The following GALNTL6 variants were observed in gnomAD, a reference collection of about 807,000 sequenced individuals.
GALNTL6 encodes the protein polypeptide N-acetylgalactosaminyltransferase-like 6.
Under a neutral mutation model 73.7 loss-of-function variants are expected in GALNTL6, and 46 were observed. That is an observed-to-expected ratio of 0.62 (90% CI 0.49 to 0.80). The LOEUF (loss-of-function observed/expected upper bound fraction) is 0.80, where lower values mean the gene tolerates loss of function less well. Among genes scored for constraint, GALNTL6 ranks in the 30% least tolerant of loss-of-function variants. The probability of loss-of-function intolerance (pLI) is 0.00; values close to 1 mark genes in which losing one functional copy is unlikely to be tolerated. For missense variants in GALNTL6, 604 were observed against 755.0 expected, an observed-to-expected ratio of 0.80 and a Z score of 2.34; for synonymous variants, 259 against 263.7, an observed-to-expected ratio of 0.98 and a Z score of 0.17.
intron 5 of GALNTL6, among the ~76,000 whole-genome samples, chr4:172,378,164 T>C (rs1743119278): frequency 6.6e-6 from 1 of 152,206 alleles, no homozygotes; most frequent in Non-Finnish European, 1.5e-5. Flanking sequence ...TGCTATATGA[T>C]ATTCTGATAC....
chr4:172,912,262 G>A (rs1009618425), intron 8 of GALNTL6, among the ~76,000 whole-genome samples: 1 of 152,140 alleles, frequency 6.6e-6, no homozygotes, highest in African/African-American at 2.4e-5. Flanking sequence ...TTCCAAGATG[G>A]CCAAATAGGA....
intron 2 of GALNTL6, among the ~76,000 whole-genome samples, chr4:172,129,231 G>A (rs553099882): frequency 6.6e-6 from 1 of 152,178 alleles, no homozygotes; most frequent in African/African-American, 2.4e-5. Context: ...AAATAAAAAC[G>A]TCAACAGATT....
At chr4:172,127,811 A>G (rs1733344963) in intron 2 of GALNTL6, among the ~76,000 whole-genome samples, 1 of 152,194 alleles carries the variant, frequency 6.6e-6, no homozygotes, top group African/African-American at 2.4e-5. Context: ...CATACATAAA[A>G]GTGTCTAAGG....
chr4:172,253,115 ATTATTT>A (rs1737940274), intron 3 of GALNTL6, among the ~76,000 whole-genome samples: 2 of 152,010 alleles, frequency 1.3e-5, no homozygotes, highest in Admixed American at 6.6e-5. Context: ...AATAATAAGC[ATTATTT>A]TATTTTTTAT....
chr4:172,561,069 A>C (rs200928966), intron 5 of GALNTL6, among the ~76,000 whole-genome samples: 10 of 151,578 alleles, frequency 6.6e-5, no homozygotes, highest in Middle Eastern at 3.4e-3. Context: ...CTGGCTAACA[A>C]GGTGAAACCC....
intron 5 of GALNTL6, among the ~76,000 whole-genome samples, chr4:172,663,692 G>A (rs779828225): frequency 1.3e-5 from 2 of 152,232 alleles, no homozygotes; most frequent in African/African-American, 2.4e-5. Flanking sequence ...ACTTTGGGAG[G>A]CTGAGGCGGG....
chr4:171,973,440 A>G (rs1739628331), intron 2 of GALNTL6, among the ~76,000 whole-genome samples: 1 of 152,144 alleles, frequency 6.6e-6, no homozygotes, highest in South Asian at 2.1e-4. Context: ...AGCTTCTGGT[A>G]GGCCTGGGGG....
intron 5 of GALNTL6, among the ~76,000 whole-genome samples, chr4:172,466,362 A>G (rs1732818656): frequency 1.3e-5 from 2 of 152,328 alleles, no homozygotes; most frequent in South Asian, 4.1e-4. Flanking sequence ...CAGCTACATT[A>G]GAGGTAAAGT....
At chr4:171,944,187 T>A (rs1280922873) in intron 2 of GALNTL6, among the ~76,000 whole-genome samples, 1 of 151,994 alleles carries the variant, frequency 6.6e-6, no homozygotes, top group Non-Finnish European at 1.5e-5. Flanking sequence ...TAATTTTGAT[T>A]TATAGGAAGA....
intron 8 of GALNTL6, among the ~76,000 whole-genome samples, chr4:172,930,004 C>T (rs1037553448): frequency 2.0e-5 from 3 of 152,098 alleles, no homozygotes; most frequent in Non-Finnish European, 4.4e-5. Context: ...GGGCCAGGTG[C>T]GGTGGCTCAC....
chr4:172,396,834 G>T (rs937889831), intron 5 of GALNTL6, among the ~76,000 whole-genome samples: 18 of 152,258 alleles, frequency 1.2e-4, no homozygotes, highest in Non-Finnish European at 2.2e-4. Context: ...ACATTTTATT[G>T]AATGCAATAG....
chr4:172,211,827 G>T (rs1265387779), intron 2 of GALNTL6, among the ~76,000 whole-genome samples: 1 of 152,144 alleles, frequency 6.6e-6, no homozygotes, highest in African/African-American at 2.4e-5. Context: ...GGGCAAGATA[G>T]CTTGCTTAAG....
chr4:172,360,339 G>A (rs556654976), intron 5 of GALNTL6, among the ~76,000 whole-genome samples: 16 of 152,178 alleles, frequency 1.1e-4, no homozygotes, highest in Middle Eastern at 3.4e-3. Context: ...CTGACCTGCA[G>A]TACCATTAAA....
At chr4:172,801,857 G>A (rs1740664716) in intron 5 of GALNTL6, among the ~76,000 whole-genome samples, 1 of 152,076 alleles carries the variant, frequency 6.6e-6, no homozygotes. Flanking sequence ...GAGACAGCAA[G>A]ACCAACTCCT....
chr4:172,902,807 C>T (rs1746695461), intron 8 of GALNTL6, among the ~76,000 whole-genome samples: 1 of 152,170 alleles, frequency 6.6e-6, no homozygotes, highest in Non-Finnish European at 1.5e-5. Context: ...TCATTCAGCC[C>T]TTATCAGTCA....
intron 8 of GALNTL6, among the ~76,000 whole-genome samples, chr4:172,924,849 G>A (rs1747965246): frequency 6.6e-6 from 1 of 152,046 alleles, no homozygotes; most frequent in Admixed American, 6.6e-5. Context: ...GGAATGGTAT[G>A]CTCAGATTTA....
chr4:172,456,665 A>G (rs1039884930), intron 5 of GALNTL6, among the ~76,000 whole-genome samples: 3 of 151,902 alleles, frequency 2.0e-5, no homozygotes, highest in African/African-American at 7.3e-5. Flanking sequence ...AATAATGAAA[A>G]CGAACAAACA....
chr4:172,893,346 G>A (rs529485815), intron 8 of GALNTL6, among the ~76,000 whole-genome samples: 10 of 98,138 alleles, frequency 1.0e-4, no homozygotes, highest in African/African-American at 2.0e-4. Context: ...TGAGAGTGGC[G>A]GGGGGGGGGT....
intron 11 of GALNTL6, 86 bp downstream of exon 11, chr4:173,009,380 G>C: frequency 2.4e-6 from 2 of 831,666 alleles, no homozygotes; most frequent in East Asian, 2.4e-5. Context: ...ACAAATCTCC[G>C]AATGGTGCAG....
Sources: gnomAD v4.1 joint callset for allele counts (sites outside exome capture counted in the v4.1 genomes callset) on GRCh38, gnomAD v4.1.1 for gene constraint, MANE v1.5 for transcripts, NCBI Gene and HGNC (gene_info 2026-07-23, HGNC 2026-07-21) for gene names.